The following WDFY4 variants were observed in gnomAD, a reference collection of about 807,000 sequenced individuals.
The protein encoded by WDFY4 is WD repeat- and FYVE domain-containing protein 4.
In WDFY4, 169 loss-of-function variants were observed where a neutral mutation model predicts 351.9. The observed-to-expected ratio is 0.48, with a 90% CI of 0.42 to 0.55. The LOEUF is 0.55. WDFY4 is among the 20% of genes least tolerant of loss of function. The pLI is 0.00. For synonymous variants in WDFY4, 1,622 were observed against 1,574.6 expected, an observed-to-expected ratio of 1.03 and a Z score of -0.71; for missense variants, 3,803 against 3,935.6, an observed-to-expected ratio of 0.97 and a Z score of 0.90.
chr10:48,799,945 G>A (rs2067006818), intron 24 of WDFY4, among the ~76,000 whole-genome samples: 1 of 152,010 alleles, frequency 6.6e-6, no homozygotes, highest in Non-Finnish European at 1.5e-5. Flanking sequence ...GAGTGCAGTG[G>A]CACAATCTCG....
intron 14 of WDFY4, 27 bp downstream of exon 14, chr10:48,774,699 G>C: frequency 6.4e-7 from 1 of 1,550,894 alleles, no homozygotes; most frequent in Non-Finnish European, 8.7e-7. Flanking sequence ...ATTCAGTGCC[G>C]CCAAGCTGGG....
chr10:48,766,909 G>A (rs1052697982), intron 13 of WDFY4, among the ~76,000 whole-genome samples: 44 of 152,236 alleles, frequency 2.9e-4, no homozygotes, highest in African/African-American at 1.1e-3. Context: ...ACAGTAGTCA[G>A]TGGTGGAGCT....
At chr10:48,830,959 C>T (rs1352106194) in intron 38 of WDFY4, 74 bp downstream of exon 38, 29 of 1,455,360 alleles carry the variant, frequency 2.0e-5, no homozygotes, top group Non-Finnish European at 2.5e-5. Flanking sequence ...AGGTTCAACT[C>T]AGTGCCTAGA....
intron 52 of WDFY4, among the ~76,000 whole-genome samples, chr10:48,958,568 A>G (rs750294096): frequency 6.6e-6 from 1 of 152,214 alleles, no homozygotes; most frequent in Non-Finnish European, 1.5e-5. Context: ...AGTCAGGAGA[A>G]CAAGTGGTTA....
intron 10 of WDFY4, among the ~76,000 whole-genome samples, chr10:48,735,127 C>A (rs1260042174): frequency 6.6e-6 from 1 of 152,014 alleles, no homozygotes; most frequent in Non-Finnish European, 1.5e-5. Context: ...AAGGTGATTT[C>A]CATGTCAGAG....
At chr10:48,858,573 C>T (rs1334439274) in intron 39 of WDFY4, among the ~76,000 whole-genome samples, 3 of 152,190 alleles carry the variant, frequency 2.0e-5, no homozygotes, top group Admixed American at 2.0e-4. Context: ...GTCTATTCCT[C>T]TCTCAGTACC....
chr10:48,707,828 G>A (rs1319703156), intron 1 of WDFY4, among the ~76,000 whole-genome samples: 3 of 152,096 alleles, frequency 2.0e-5, no homozygotes, highest in Non-Finnish European at 4.4e-5. Context: ...GGAGGTCCTG[G>A]TGATAAAGAA....
rs539859420 is a variant in WDFY4 at position 48,856,419 on chromosome 10, C to T, written c.6664-10846C>T. Among the ~76,000 whole-genome samples the T allele has an allele frequency of 7.6e-4, 116 of 152,156 alleles. 1 individual carries two copies. The highest frequency in any genetic ancestry group is 2.3e-3 in the Admixed American group (35 of 15,296). On this transcript the variant is annotated intron_variant, in intron 39 of 61. Coordinates refer to ENST00000325239, the MANE Select transcript of WDFY4 (RefSeq NM_001394531.1). The stretch of plus-strand genomic sequence containing the variant: ...TATCTGAAGAGACTATTAAAATACT[C>T]CTCTCTTTTTCAACTACATGTCTAT...
intron 39 of WDFY4, among the ~76,000 whole-genome samples, chr10:48,849,557 G>A (rs906165283): frequency 1.4e-4 from 22 of 152,190 alleles, no homozygotes; most frequent in African/African-American, 5.1e-4. Flanking sequence ...CCCTCAGGGA[G>A]CAGAGACTCC....
intron 21 of WDFY4, among the ~76,000 whole-genome samples, chr10:48,789,290 G>A (rs1160894513): frequency 2.0e-5 from 3 of 152,204 alleles, no homozygotes; most frequent in African/African-American, 7.2e-5. Context: ...TTTGCATAAA[G>A]AGCTCTTTTG....
At chr10:48,818,031 G>A (rs1038856383) in intron 32 of WDFY4, among the ~76,000 whole-genome samples, 2 of 152,252 alleles carry the variant, frequency 1.3e-5, no homozygotes, top group Admixed American at 6.5e-5. Flanking sequence ...CTGGGTCAGG[G>A]CCGTGTGGGA....
At chr10:48,723,593 C>A in intron 5 of WDFY4, 26 bp downstream of exon 5, 1 of 1,551,132 alleles carries the variant, frequency 6.4e-7, no homozygotes, top group South Asian at 1.2e-5. Flanking sequence ...GCCTCCAATT[C>A]CCTGGGTCAA....
intron 19 of WDFY4, among the ~76,000 whole-genome samples, chr10:48,781,317 A>T (rs2066218062): frequency 6.6e-6 from 1 of 151,738 alleles, no homozygotes; most frequent in Non-Finnish European, 1.5e-5. Flanking sequence ...TTTTTTTGAG[A>T]TAGGATTTCG....
chr10:48,735,857 C>T (rs2064643850), intron 10 of WDFY4, 23 bp from the exon 11 acceptor site: 2 of 1,546,300 alleles, frequency 1.3e-6, no homozygotes, highest in East Asian at 4.9e-5. Context: ...GCCCTAGCCC[C>T]ATTCTGTCTG....
At chr10:48,774,233 G>A (rs1234912985) in intron 13 of WDFY4, among the ~76,000 whole-genome samples, 1 of 152,126 alleles carries the variant, frequency 6.6e-6, no homozygotes, top group Admixed American at 6.5e-5. Context: ...CACTGACCTG[G>A]GCAGCTTGTG....
intron 57 of WDFY4, among the ~76,000 whole-genome samples, chr10:48,971,896 C>T (rs979458500): frequency 3.3e-5 from 5 of 152,294 alleles, no homozygotes; most frequent in Middle Eastern, 3.4e-3. Context: ...CTGGAGTGCT[C>T]TCTCCCCAGC....
At chr10:48,806,830 A>G (rs1290440930) in intron 27 of WDFY4, among the ~76,000 whole-genome samples, 1 of 152,238 alleles carries the variant, frequency 6.6e-6, no homozygotes, top group African/African-American at 2.4e-5. Context: ...TTAAAATTAA[A>G]TGCAATTAAA....
intron 37 of WDFY4, among the ~76,000 whole-genome samples, 199 bp downstream of exon 37, chr10:48,829,095 C>A: frequency 6.6e-6 from 1 of 152,082 alleles, no homozygotes; most frequent in East Asian, 1.9e-4. Flanking sequence ...TATAGCAAGG[C>A]AAGCTGGTAG....
intron 43 of WDFY4, among the ~76,000 whole-genome samples, chr10:48,877,436 C>T (rs2070064801): frequency 6.6e-6 from 1 of 152,200 alleles, no homozygotes; most frequent in Non-Finnish European, 1.5e-5. Context: ...AGGTGTACCA[C>T]AAACTGTTAA....
Sources: gnomAD v4.1 joint callset for allele counts (sites outside exome capture counted in the v4.1 genomes callset) on GRCh38, gnomAD v4.1.1 for gene constraint, MANE v1.5 for transcripts, NCBI Gene and HGNC (gene_info 2026-07-23, HGNC 2026-07-21) for gene names.